Variants in GCAT observed in about 807,000 individuals in gnomAD.
The protein encoded by GCAT is glycine C-acetyltransferase, also known as 2-amino-3-ketobutyrate coenzyme A ligase, mitochondrial.
GCAT carries 26 observed loss-of-function variants against 39.7 expected under a neutral mutation model. That is an observed-to-expected ratio of 0.65 (90% CI 0.48 to 0.91). The LOEUF is 0.91. Among genes scored for constraint, GCAT ranks in the 40% least tolerant of loss-of-function variants. GCAT has a pLI of 0.00. For synonymous variants in GCAT, 218 were observed against 237.2 expected, an observed-to-expected ratio of 0.92 and a Z score of 0.74; for missense variants, 550 against 576.2, an observed-to-expected ratio of 0.95 and a Z score of 0.47.
intron 7 of GCAT, 115 bp downstream of exon 7, chr22:37,815,949 TC>T (rs1443479045): frequency 8.4e-7 from 1 of 1,189,318 alleles, no homozygotes. Context: ...TTCTGCCTGT[TC>T]CCCTCCCTTC....
chr22:37,810,816 A>G (rs1355148257), intron 2 of GCAT, among the ~76,000 whole-genome samples: 2 of 151,854 alleles, frequency 1.3e-5, no homozygotes, highest in African/African-American at 4.8e-5. Context: ...CACTCGGCCT[A>G]ATTTTTATAT....
At chr22:37,808,969 G>A (rs1488911893) in intron 1 of GCAT, among the ~76,000 whole-genome samples, 2 of 152,228 alleles carry the variant, frequency 1.3e-5, no homozygotes, top group South Asian at 2.1e-4. Context: ...TTACAGGCGT[G>A]AGCCACCACT....
In GCAT at chr22:37,816,578, A is replaced by G; in HGVS notation, c.1120A>G (p.Ile374Val). 2 of 1,614,156 alleles carry G rather than the reference A, an allele frequency of 1.2e-6. No homozygotes were observed. The highest frequency in any genetic ancestry group is 3.3e-4 in the Middle Eastern group (2 of 6,062). ...TTCTACCCTCCCAGGCATCTTTGTC[A>G]TCGGGTTCAGCTACCCCGTGGTCCC... ...DDMLKRGIFV[I>V]GFSYPVVPKG... Residue 374 changes from isoleucine (I) to valine (V), a missense_variant, in exon 9 of 9, where the codon ATC (isoleucine) becomes GTC (valine). Ile to Val is a conservative substitution (Grantham distance 29). Around this residue, in one of 3 missense-constraint regions of GCAT, gnomAD observed 378 missense variants for 390.4 expected, o/e 0.97. Transcript: ENST00000248924.
chr22:37,816,012 C>T (rs1302896798), intron 7 of GCAT, 178 bp downstream of exon 7: 3 of 439,094 alleles, frequency 6.8e-6, no homozygotes, highest in Non-Finnish European at 9.1e-6. Context: ...CTTATCCCTC[C>T]TGTCTTTCCA....
downstream of GCAT, chr22:37,817,178 G>T (rs1372352476): frequency 6.0e-6 from 1 of 165,656 alleles, no homozygotes; most frequent in Non-Finnish European, 1.3e-5. Context: ...TACGAAATTA[G>T]CCAGGCGTGG....
At chr22:37,809,892 T>G (rs1250871549) in intron 1 of GCAT, 135 bp from the exon 2 acceptor site, 1 of 1,127,706 alleles carries the variant, frequency 8.9e-7, no homozygotes, top group Non-Finnish European at 1.3e-6. Context: ...GCTGTTGAAT[T>G]TGGTGCCTCC....
chr22:37,814,537 A>G (rs1005329227), intron 4 of GCAT, among the ~76,000 whole-genome samples: 3 of 152,218 alleles, frequency 2.0e-5, no homozygotes, highest in Non-Finnish European at 4.4e-5. Context: ...TGTTGGGATT[A>G]CAGGCATGAG....
At chr22:37,808,307 A>G in intron 1 of GCAT, 144 bp downstream of exon 1, 1 of 634,894 alleles carries the variant, frequency 1.6e-6, no homozygotes, top group East Asian at 3.4e-5. Context: ...TGGCTTCCTA[A>G]TATTGACTCT....
chr22:37,810,847 C>T (rs1008237219), intron 2 of GCAT, among the ~76,000 whole-genome samples: 2 of 152,074 alleles, frequency 1.3e-5, no homozygotes, highest in Non-Finnish European at 2.9e-5. Context: ...GATGGGGTTT[C>T]ACCATGTTGG....
At chr22:37,815,624 C>T in intron 6 of GCAT, 39 bp from the exon 7 acceptor site, 1 of 1,539,228 alleles carries the variant, frequency 6.5e-7, no homozygotes, top group Non-Finnish European at 9.0e-7. Context: ...GCTCTGGCCC[C>T]TGACCAACCC....
At chr22:37,808,364 G>C (rs952676654) in intron 1 of GCAT, among the ~76,000 whole-genome samples, 7 of 152,236 alleles carry the variant, frequency 4.6e-5, no homozygotes, top group African/African-American at 1.7e-4. Context: ...TGCCCAGCAA[G>C]AAAACCCGCA....
rs908477388 is a variant in GCAT, at chr22:37,808,004, T to G, written c.37T>G (p.Trp13Gly). 6.5e-7 allele frequency: 1 copy of G among 1,543,926 alleles called. No homozygotes were observed. Among genetic ancestry groups the G allele is most frequent in the African/African-American group, 1.4e-5 (1 of 72,190 alleles). The change falls in exon 1 of 9, where the codon TGG (tryptophan) becomes GGG (glycine). Residue 13 changes from tryptophan to glycine, a missense_variant. This residue lies in a region of GCAT where 154 missense variants were observed against 141.9 expected (regional missense o/e 1.08). Coordinates refer to ENST00000248924, the MANE Select transcript of GCAT (RefSeq NM_014291.4). ...PGNAWRAALF[W>G]VPRGRRAQSA... ...GAACGCCTGGCGCGCCGCACTCTTC[T>G]GGGTGCCCCGCGGCCGCCGCGCACA... is the stretch of plus-strand genomic sequence containing the variant.
chr22:37,814,931 AG>A (rs1486990999), intron 4 of GCAT, among the ~76,000 whole-genome samples, 194 bp from the exon 5 acceptor site: 2 of 152,204 alleles, frequency 1.3e-5, no homozygotes, highest in Non-Finnish European at 2.9e-5. Flanking sequence ...TCCAGAGCTC[AG>A]GGTGGAGATG....
chr22:37,808,726 G>A (rs1373380033), intron 1 of GCAT, among the ~76,000 whole-genome samples: 1 of 151,498 alleles, frequency 6.6e-6, no homozygotes, highest in African/African-American at 2.4e-5. Context: ...TTGCTCTGTC[G>A]CCCAGGCTGG....
intron 1 of GCAT, 114 bp from the exon 2 acceptor site, chr22:37,809,913 C>T: frequency 1.4e-6 from 2 of 1,394,024 alleles, no homozygotes; most frequent in Non-Finnish European, 2.0e-6. Context: ...TCAATGGTGA[C>T]TCCAGGTCTG....
intron 1 of GCAT, among the ~76,000 whole-genome samples, chr22:37,809,480 C>G (rs969930570): frequency 6.6e-6 from 1 of 152,102 alleles, no homozygotes; most frequent in Non-Finnish European, 1.5e-5. Flanking sequence ...ACAGGAGAAG[C>G]CTGTGAGGAA....
chr22:37,815,903 C>T, intron 7 of GCAT, 69 bp downstream of exon 7: 6 of 1,564,868 alleles, frequency 3.8e-6, no homozygotes, highest in Admixed American at 1.7e-5. Flanking sequence ...TGTGTCTGCC[C>T]AGGCCCACAG....
At chr22:37,814,990 A>G (rs867425111) in intron 4 of GCAT, 136 bp from the exon 5 acceptor site, 17 of 742,396 alleles carry the variant, frequency 2.3e-5, no homozygotes, top group Middle Eastern at 3.0e-4. Flanking sequence ...CCAGCCCCCA[A>G]GATGGTGGTA....
intron 1 of GCAT, among the ~76,000 whole-genome samples, chr22:37,809,586 A>G (rs1249837159): frequency 6.6e-6 from 1 of 152,140 alleles, no homozygotes; most frequent in Non-Finnish European, 1.5e-5. Context: ...TTGGGAGGCC[A>G]AGGCAGGAGG....
Sources: allele counts gnomAD v4.1 joint callset (sites outside exome capture counted in the v4.1 genomes callset), GRCh38; gene constraint gnomAD v4.1.1; regional missense constraint gnomAD v4.1.1; transcripts MANE v1.5; gene names NCBI Gene and HGNC (gene_info 2026-07-23, HGNC 2026-07-21).